Variants in FMNL3 observed in about 807,000 individuals in gnomAD.
FMNL3 encodes the protein formin like 3, also known as formin-like protein 3.
Under a neutral mutation model 119.6 loss-of-function variants are expected in FMNL3, and 57 were observed. That is an observed-to-expected ratio of 0.48 (90% confidence interval 0.39 to 0.59). The LOEUF is 0.59. FMNL3 is among the 20% of genes least tolerant of loss of function. FMNL3 has a pLI of 0.00. For synonymous variants in FMNL3, 491 were observed against 507.3 expected (o/e 0.97, Z 0.43); for missense variants, 1,053 against 1,323.5 (o/e 0.80, Z 3.17).
chr12:49,704,449 G>A (rs61620972), intron 1 of FMNL3, among the ~76,000 whole-genome samples: 26,489 of 152,168 alleles, frequency 0.17, 3,372 homozygotes, highest in African/African-American at 0.36. Context: ...AGTGGCTCAT[G>A]CCTGTAATCC....
rs570267512 is a variant in FMNL3, at chr12:49,647,627, T to A, written c.2778+76A>T. The A allele has an allele frequency of 3.3e-5, 44 of 1,345,892 alleles. No homozygotes were observed. In the African/African-American group the frequency reaches 5.3e-4, roughly 16 times the overall value. 83.4% of individuals were successfully genotyped at this position (1,345,892 alleles called of 1,614,324 possible). On this transcript the variant is annotated intron_variant, in intron 23 of 25. Transcript: ENST00000335154. The surrounding 1 kb of genome is among the most constrained non-coding windows in gnomAD (Gnocchi z 4.9). ...CGGAGGAGGAGTCGGAAAAGGCCCA[T>A]ACTTTAAGCCCAGGCTTCTCTCCCC... is the stretch of plus-strand genomic sequence containing the variant.
intron 4 of FMNL3, among the ~76,000 whole-genome samples, chr12:49,663,338 A>C (rs1451474389): frequency 6.6e-6 from 1 of 152,112 alleles, no homozygotes; most frequent in Non-Finnish European, 1.5e-5. Context: ...CTGGAATCCC[A>C]CTTCCCAGCC....
In FMNL3 at chr12:49,651,130, C is replaced by T. The variant is rs552381073; in HGVS notation, c.1797+38G>A. ...CCTCAAAAGGCAACCAGGTCCCTAG[C>T]CCTCAACCTTAGCCCTCTGGACCCC... On this transcript the variant is annotated intron_variant, in intron 16 of 25. Transcript: ENST00000335154. The T allele has an allele frequency of 2.2e-5, 35 of 1,601,444 alleles. No homozygotes were observed. In the East Asian group the frequency reaches 7.0e-4, roughly 32 times the overall value.
At chr12:49,651,334 C>CACACCCCTGGTCCCACCA (rs777496156) in intron 15 of FMNL3, 42 bp from the exon 16 acceptor site, 1 of 1,603,976 alleles carries the variant, frequency 6.2e-7, no homozygotes, top group African/African-American at 1.3e-5. Context: ...GCCAAGGACA[C>CACACCCCTGGTCCCACCA]ACACCCCTGG....
rs1202295767 is a variant in FMNL3, at chr12:49,639,084, T to C, written c.*6731A>G. ...ATGCCCCAGCTTGGAAGTAGAGCCC[T>C]GCATGTAAAGTGCCTTGAATGCTAA... On this transcript the variant is annotated 3_prime_UTR_variant, in exon 26 of 26. Coordinates refer to ENST00000335154, the MANE Select transcript of FMNL3 (RefSeq NM_175736.5). The C allele has an allele frequency of 6.6e-6, 1 of 152,240 alleles. No homozygotes were observed. The highest frequency in any genetic ancestry group is 2.4e-5 in the African/African-American group (1 of 41,458). The allele number at this position is 152,240 out of a possible 1,614,324, so 9.4% of individuals were successfully genotyped here.
chr12:49,684,798 C>G (rs938978012), intron 1 of FMNL3, among the ~76,000 whole-genome samples: 1 of 152,208 alleles, frequency 6.6e-6, no homozygotes, highest in Non-Finnish European at 1.5e-5. Context: ...GGAGCAGATT[C>G]ACCAAGTGTC....
rs770363446 is a variant in FMNL3 at position 49,642,949 on chromosome 12, A to G, written c.*2866T>C. 1 of 1,613,688 alleles carries G rather than the reference A, an allele frequency of 6.2e-7. No individual in the cohort carries two copies. The highest frequency in any genetic ancestry group is 8.5e-7 in the Non-Finnish European group (1 of 1,179,788). ...TAGCAGACTGAATGCCAGCACCTCCACACCAAAGGCCGAAAGCATGGCAGG... is the reference window on the plus strand; with the variant it reads ...TAGCAGACTGAATGCCAGCACCTCCGCACCAAAGGCCGAAAGCATGGCAGG... On this transcript the variant is annotated 3_prime_UTR_variant, in exon 26 of 26. Transcript: ENST00000335154. This position sits in a 1 kb window ranked among gnomAD's most constrained non-coding sequence, Gnocchi z 5.8.
At chr12:49,703,299 T>A (rs1565902390) in intron 1 of FMNL3, among the ~76,000 whole-genome samples, 1 of 152,212 alleles carries the variant, frequency 6.6e-6, no homozygotes, top group Admixed American at 6.5e-5. Context: ...TCTGAGCAAC[T>A]GAGTTTGGGT....
Position 49,642,557 on chromosome 12 carries a change from C to T in FMNL3, c.*3258G>A. On this transcript the variant is annotated 3_prime_UTR_variant, in exon 26 of 26. Coordinates refer to ENST00000335154, the MANE Select transcript of FMNL3 (RefSeq NM_175736.5). The surrounding 1 kb of genome is among the most constrained non-coding windows in gnomAD (Gnocchi z 5.8). ...CAGGCTGAGTGGGGCCTAGTCTGAT[C>T]AGCAGTGCTCTCCTCGTTCAAGGTC... The T allele has an allele frequency of 1.9e-6, 3 of 1,613,304 alleles. No homozygotes were observed. Among genetic ancestry groups the T allele is most frequent in the South Asian group, 2.2e-5 (2 of 90,980 alleles).
chr12:49,650,623 G>T, intron 17 of FMNL3, 53 bp downstream of exon 17: 1 of 1,594,398 alleles, frequency 6.3e-7, no homozygotes, highest in Non-Finnish European at 8.6e-7. Context: ...CCTGGGTGGA[G>T]AACTGGGTTG....
rs928601955 is a variant in FMNL3 at position 49,650,727 on chromosome 12, G to A, written c.1949C>T (p.Thr650Ile). The A allele has an allele frequency of 6.2e-7, 1 of 1,614,138 alleles. No homozygotes were observed. The highest frequency in any genetic ancestry group is 1.1e-5 in the South Asian group (1 of 91,078). ...EANRAKNLAI[T>I]LRKAGRSAEE... is the part of the protein sequence containing the mutation. Reference sequence around the variant, plus strand: ...AGCCGAGCGGCCAGCCTTGCGTAGGGTGATGGCCAGGTTCTTGGCACGATT... The same window carrying A: ...AGCCGAGCGGCCAGCCTTGCGTAGGATGATGGCCAGGTTCTTGGCACGATT... Residue 650 changes from threonine (T) to isoleucine (I), a missense_variant, in exon 17 of 26, where the codon ACC becomes ATC. Physicochemically the swap from Thr to Ile is moderately conservative, Grantham distance 89. This residue lies in a region of FMNL3 where 445 missense variants were observed against 628.4 expected (regional missense o/e 0.71). Transcript: ENST00000335154.
chr12:49,647,638 C>T lies in FMNL3; in HGVS notation c.2778+65G>A, dbSNP rs968470036. ...TCGGAAAAGGCCCATACTTTAAGCC[C>T]AGGCTTCTCTCCCCCAGCCAGTTTT... On this transcript the variant is annotated intron_variant, in intron 23 of 25. Coordinates refer to ENST00000335154, the MANE Select transcript of FMNL3 (RefSeq NM_175736.5). The surrounding 1 kb of genome is among the most constrained non-coding windows in gnomAD (Gnocchi z 4.9). 6.9e-7 allele frequency: 1 copy of T among 1,442,494 alleles called. No individual in the cohort carries two copies. The highest frequency in any genetic ancestry group is 1.2e-5 in the South Asian group (1 of 85,806). 89.4% of individuals were successfully genotyped at this position (1,442,494 alleles called of 1,614,324 possible).
At chr12:49,654,809 T>C in intron 10 of FMNL3, 101 bp downstream of exon 10, 1 of 1,106,050 alleles carries the variant, frequency 9.0e-7, no homozygotes. Flanking sequence ...TTCTGGGCTC[T>C]ACGTGGAATA....
At chr12:49,652,258 T>A (rs769535581) in intron 13 of FMNL3, 46 bp from the exon 14 acceptor site, 6 of 1,580,700 alleles carry the variant, frequency 3.8e-6, no homozygotes, top group Non-Finnish European at 5.2e-6. Context: ...GCTGAAGGCA[T>A]AGTCATTGCC....
chr12:49,675,111 C>A (rs1025436210), intron 1 of FMNL3, among the ~76,000 whole-genome samples: 9 of 152,218 alleles, frequency 5.9e-5, no homozygotes, highest in African/African-American at 2.2e-4. Flanking sequence ...CTGTTGGCCT[C>A]ATACCTGACA....
chr12:49,649,734 G>C lies in FMNL3; in HGVS notation c.2192C>G (p.Ala731Gly), dbSNP rs1180529987. 3 of 1,614,210 alleles carry C rather than the reference G, an allele frequency of 1.9e-6. No homozygotes were observed. In the Admixed American group the frequency reaches 5.0e-5, roughly 27 times the overall value. Reference protein sequence around the residue: ...ERLTQRMAGMAFLGNFQDNLQ... With the variant: ...ERLTQRMAGMGFLGNFQDNLQ... The stretch of plus-strand genomic sequence containing the variant: ...GTTATCCTGGAAGTTCCCCAGGAAG[G>C]CCATGCCAGCCATTCGCTGGGTCAA... Residue 731 changes from alanine to glycine, a missense_variant, in exon 18 of 26, where the codon GCC (alanine) becomes GGC (glycine). This residue lies in a region of FMNL3 where 20 missense variants were observed against 48.7 expected (regional missense o/e 0.41). Coordinates refer to ENST00000335154, the MANE Select transcript of FMNL3 (RefSeq NM_175736.5). The surrounding 1 kb of genome is among the most constrained non-coding windows in gnomAD (Gnocchi z 5.6).
At position 49,637,945 on chromosome 12, in the gene FMNL3, T is replaced by G. The variant is rs1942075169; in HGVS notation, c.*7870A>C. The G allele has an allele frequency of 2.7e-6, 2 of 753,342 alleles. No homozygotes were observed. Among genetic ancestry groups the G allele is most frequent in the Non-Finnish European group, 4.5e-6 (2 of 442,580 alleles). The allele number at this position is 753,342 out of a possible 1,614,324, so 46.7% of individuals were successfully genotyped here. A position where few individuals can be genotyped will look rare whatever the true frequency, so the allele number is the denominator to read the frequency against. On this transcript the variant is annotated 3_prime_UTR_variant, in exon 26 of 26. Transcript: ENST00000335154. ...ACAGCTTGGTTCAGCAGATATCTAC[T>G]GTGATCCTTTACTGCACACTAGGGA... is the stretch of plus-strand genomic sequence containing the variant.
intron 14 of FMNL3, 101 bp downstream of exon 14, chr12:49,651,832 G>A: frequency 6.9e-7 from 1 of 1,448,194 alleles, no homozygotes; most frequent in Non-Finnish European, 9.1e-7. Flanking sequence ...CTCAGATAAT[G>A]CCATTTTCCC....
chr12:49,691,916 T>A (rs1378964910), intron 1 of FMNL3, among the ~76,000 whole-genome samples: 1 of 151,420 alleles, frequency 6.6e-6, no homozygotes, highest in East Asian at 1.9e-4. Flanking sequence ...ACGTCTGTAG[T>A]CCTAGCTACT....
Sources: allele counts gnomAD v4.1 joint callset (sites outside exome capture counted in the v4.1 genomes callset), GRCh38; gene constraint gnomAD v4.1.1; regional missense constraint gnomAD v4.1.1; non-coding constraint Gnocchi (gnomAD v3.1); transcripts MANE v1.5; gene names NCBI Gene and HGNC (gene_info 2026-07-23, HGNC 2026-07-21).